The following TPBGL variants were observed in gnomAD, a reference collection of about 807,000 sequenced individuals.
TPBGL encodes trophoblast glycoprotein like.
For missense variants in TPBGL, 685 were observed against 609.4 expected (o/e 1.12, Z -1.31); for synonymous variants, 380 against 314.8 (o/e 1.21, Z -2.19).
Position 75,241,525 on chromosome 11 carries a change from C to T in TPBGL, c.476C>T (p.Ala159Val). The T allele has an allele frequency of 8.2e-7, 1 of 1,213,538 alleles. No homozygotes were observed. Among genetic ancestry groups the T allele is most frequent in the Non-Finnish European group, 1.0e-6 (1 of 977,256 alleles). 75.2% of individuals were successfully genotyped at this position (1,213,538 alleles called of 1,614,324 possible). A position where few individuals can be genotyped will look rare whatever the true frequency, so the allele number is the denominator to read the frequency against. ...CACGCGCTGGTGCGCGGCGGCCCCG[C>T]GCTGCTGGCCGCGCTGGACGCTGCG... is the stretch of plus-strand genomic sequence containing the variant. Reference protein sequence around the residue: ...LNHALVRGGPALLAALDAALA... With the variant: ...LNHALVRGGPVLLAALDAALA... Residue 159 changes from alanine to valine, a missense_variant, in exon 1 of 1, where the codon GCG (alanine) becomes GTG (valine). Ala to Val is a moderately conservative substitution (Grantham distance 64, BLOSUM62 0). Coordinates refer to ENST00000562197, the MANE Select transcript of TPBGL (RefSeq NM_001195528.2).
chr11:75,242,007 C>T lies in TPBGL; in HGVS notation c.958C>T (p.Leu320Phe), dbSNP rs780831078. 1.3e-6 allele frequency: 2 copies of T among 1,488,574 alleles called. No homozygotes were observed. Among genetic ancestry groups the T allele is most frequent in the Middle Eastern group, 1.7e-4 (1 of 5,802 alleles). 92.2% of individuals were successfully genotyped at this position (1,488,574 alleles called of 1,614,324 possible). The change falls in exon 1 of 1, where the codon CTC becomes TTC. Residue 320 changes from leucine to phenylalanine, a missense_variant. Physicochemically the swap from Leu to Phe is conservative, Grantham distance 22. Coordinates refer to ENST00000562197, the MANE Select transcript of TPBGL (RefSeq NM_001195528.2). ...CGGGCTGGTGCTGGCACTCATCGGC[C>T]TCATCTTCCTCATGGTGCTCTACCT... The part of the protein sequence containing the change: ...FFGLVLALIG[L>F]IFLMVLYLNR...
In TPBGL at chr11:75,242,265, C is replaced by T; in HGVS notation, c.*67C>T. ...GCCGTGGAGATGAGACACCCGCGAG[C>T]CCCGAGCTCTGAGACCTTCCCCTGA... On this transcript the variant is annotated 3_prime_UTR_variant, in exon 1 of 1. Coordinates refer to ENST00000562197, the MANE Select transcript of TPBGL (RefSeq NM_001195528.2). 9.3e-7 allele frequency: 1 copy of T among 1,072,416 alleles called. No homozygotes were observed. The highest frequency in any genetic ancestry group is 1.1e-6 in the Non-Finnish European group (1 of 887,548). 66.4% of individuals were successfully genotyped at this position (1,072,416 alleles called of 1,614,324 possible).
chr11:75,241,078 T>A lies in TPBGL; in HGVS notation c.29T>A (p.Leu10His). 1 of 1,322,184 alleles carries A rather than the reference T, an allele frequency of 7.6e-7. No homozygotes were observed. The highest frequency in any genetic ancestry group is 9.6e-7 in the Non-Finnish European group (1 of 1,036,774). The allele number at this position is 1,322,184 out of a possible 1,614,324, so 81.9% of individuals were successfully genotyped here. Residue 10 changes from leucine to histidine, a missense_variant, in exon 1 of 1, where the codon CTC becomes CAC. Transcript: ENST00000562197. The stretch of plus-strand genomic sequence containing the variant: ...GCCCCGCGCGCGGGACAGCCGGGGC[T>A]CCAGGGGCTGCTGCTCGTGGCGGCG... MAPRAGQPG[L>H]QGLLLVAAAL... is the part of the protein sequence containing the mutation.
At position 75,241,754 on chromosome 11, in the gene TPBGL, C is replaced by T. The variant is rs1298517665; in HGVS notation, c.705C>T (p.Pro235=). The T allele has an allele frequency of 4.6e-6, 6 of 1,306,434 alleles. No individual in the cohort carries two copies. Among genetic ancestry groups the T allele is most frequent in the Non-Finnish European group, 5.9e-6 (6 of 1,025,268 alleles). The allele number at this position is 1,306,434 out of a possible 1,614,324, so 80.9% of individuals were successfully genotyped here. The change falls in exon 1 of 1, where the codon CCC becomes CCT. Residue 235 remains proline (P), a synonymous_variant. Coordinates refer to ENST00000562197, the MANE Select transcript of TPBGL (RefSeq NM_001195528.2). ...PGPRLLLADN[P]LRCGCAARPL... ...CGCGCCTGCTGCTCGCCGACAACCC[C>T]CTGCGCTGCGGCTGTGCCGCACGCC...
Position 75,241,572 on chromosome 11 carries a change from C to A in TPBGL, c.523C>A (p.Arg175Ser). 7.7e-7 allele frequency: 1 copy of A among 1,307,006 alleles called. No homozygotes were observed. Among genetic ancestry groups the A allele is most frequent in the Non-Finnish European group, 9.8e-7 (1 of 1,020,458 alleles). The allele number at this position is 1,307,006 out of a possible 1,614,324, so 81.0% of individuals were successfully genotyped here. A position where few individuals can be genotyped will look rare whatever the true frequency, so the allele number is the denominator to read the frequency against. Residue 175 changes from arginine (R) to serine (S), a missense_variant, in exon 1 of 1, where the codon CGC becomes AGC. By Grantham distance (110) the Arg-to-Ser change is moderately radical. Coordinates refer to ENST00000562197, the MANE Select transcript of TPBGL (RefSeq NM_001195528.2). ...TGCGCTGGCACCGCTGGCCGAGCTT[C>A]GCCTGCTGGGCCTAGCGGGCAACGC... ...DAALAPLAEL[R>S]LLGLAGNALS...
chr11:75,241,321 T>G lies in TPBGL; in HGVS notation c.272T>G (p.Val91Gly), dbSNP rs1945596263. The G allele has an allele frequency of 2.2e-6, 3 of 1,345,178 alleles. No individual in the cohort carries two copies. The highest frequency in any genetic ancestry group is 4.0e-5 in the Admixed American group (1 of 25,124). 83.3% of individuals were successfully genotyped at this position (1,345,178 alleles called of 1,614,324 possible). A position where few individuals can be genotyped will look rare whatever the true frequency, so the allele number is the denominator to read the frequency against. ...GGGGACGGCGACCAGGCGGCGGGCG[T>G]GCGCCTGCCGCTCCTGAGCGCGCTG... The part of the protein sequence containing the change: ...GDGDGDQAAG[V>G]RLPLLSALRL... Residue 91 changes from valine (V) to glycine (G), a missense_variant, in exon 1 of 1, where the codon GTG becomes GGG. Physicochemically the swap from Val to Gly is moderately radical, Grantham distance 109. Transcript: ENST00000562197.
Position 75,241,688 on chromosome 11 carries a change from C to T in TPBGL, c.639C>T (p.Asp213=), listed in dbSNP as rs149491762. Residue 213 remains aspartate, a synonymous_variant, in exon 1 of 1, where the codon GAC becomes GAT. Transcript: ENST00000562197. ...RLNALAGLDP[D]ELRALERDGG... The stretch of plus-strand genomic sequence containing the variant: ...ACGCGCTGGCCGGCCTGGACCCCGA[C>T]GAGCTGCGCGCGCTGGAGCGCGATG... 3 of 1,273,894 alleles carry T rather than the reference C, an allele frequency of 2.4e-6. No individual in the cohort carries two copies. The highest frequency in any genetic ancestry group is 3.2e-5 in the African/African-American group (2 of 62,592). 78.9% of individuals were successfully genotyped at this position (1,273,894 alleles called of 1,614,324 possible). A position where few individuals can be genotyped will look rare whatever the true frequency, so the allele number is the denominator to read the frequency against.
At position 75,241,417 on chromosome 11, in the gene TPBGL, T is replaced by C; in HGVS notation, c.368T>C (p.Leu123Pro). ...AFDGLPSLAALDLSHNPLRAL... is the reference protein window; with the variant it reads ...AFDGLPSLAAPDLSHNPLRAL... ...GACGGGCTGCCCAGCCTGGCGGCGC[T>C]CGACCTCAGCCACAACCCGCTGCGC... Residue 123 changes from leucine to proline, a missense_variant, in exon 1 of 1, where the codon CTC (leucine) becomes CCC (proline). Physicochemically the swap from Leu to Pro is moderately conservative, Grantham distance 98. Transcript: ENST00000562197. 7.4e-7 allele frequency: 1 copy of C among 1,350,452 alleles called. No homozygotes were observed. Among genetic ancestry groups the C allele is most frequent in the Non-Finnish European group, 9.5e-7 (1 of 1,052,000 alleles). 83.7% of individuals were successfully genotyped at this position (1,350,452 alleles called of 1,614,324 possible). A position where few individuals can be genotyped will look rare whatever the true frequency, so the allele number is the denominator to read the frequency against.
Position 75,242,135 on chromosome 11 carries a change from C to T in TPBGL, c.1086C>T (p.Arg362=). Reference sequence around the variant, plus strand: ...GCTACGAGCAGGACGCCGACCCGCGCCGCGCGCCCGCGCCCGCCGCGCCCG... The same window carrying T: ...GCTACGAGCAGGACGCCGACCCGCGTCGCGCGCCCGCGCCCGCCGCGCCCG... ...HYRYEQDADP[R]RAPAPAAPAG... The change falls in exon 1 of 1, where the codon CGC becomes CGT. Residue 362 remains arginine (R), a synonymous_variant. Coordinates refer to ENST00000562197, the MANE Select transcript of TPBGL (RefSeq NM_001195528.2). 4.9e-6 allele frequency: 6 copies of T among 1,220,636 alleles called. No individual in the cohort carries two copies. Among genetic ancestry groups the T allele is most frequent in the Non-Finnish European group, 6.1e-6 (6 of 982,338 alleles). The allele number at this position is 1,220,636 out of a possible 1,614,324, so 75.6% of individuals were successfully genotyped here. A position where few individuals can be genotyped will look rare whatever the true frequency, so the allele number is the denominator to read the frequency against.
Position 75,241,112 on chromosome 11 carries a change from C to G in TPBGL, c.63C>G (p.Ser21Arg). 1 of 1,394,804 alleles carries G rather than the reference C, an allele frequency of 7.2e-7. No individual in the cohort carries two copies. The highest frequency in any genetic ancestry group is 9.3e-7 in the Non-Finnish European group (1 of 1,071,034). The allele number at this position is 1,394,804 out of a possible 1,614,324, so 86.4% of individuals were successfully genotyped here. ...QGLLLVAAAL[S>R]QPAAPCPFQC... Reference sequence around the variant, plus strand: ...TGCTGCTCGTGGCGGCGGCGCTGAGCCAGCCCGCGGCACCCTGCCCCTTCC... The same window carrying G: ...TGCTGCTCGTGGCGGCGGCGCTGAGGCAGCCCGCGGCACCCTGCCCCTTCC... The change falls in exon 1 of 1, where the codon AGC (serine) becomes AGG (arginine). Residue 21 changes from serine (S) to arginine (R), a missense_variant. By Grantham distance (110) the Ser-to-Arg change is moderately radical. Transcript: ENST00000562197.
At position 75,241,219 on chromosome 11, in the gene TPBGL, C is replaced by A. The variant is rs1267275178; in HGVS notation, c.170C>A (p.Pro57Gln). ...CTCCGCCAGCCTCCGCGGGACGTGCCGCCCGACGCGCGCAACCTCACCATC... is the reference window on the plus strand; with the variant it reads ...CTCCGCCAGCCTCCGCGGGACGTGCAGCCCGACGCGCGCAACCTCACCATC... ...AELRQPPRDVPPDARNLTIVG... is the reference protein window; with the variant it reads ...AELRQPPRDVQPDARNLTIVG... Residue 57 changes from proline (P) to glutamine (Q), a missense_variant, in exon 1 of 1, where the codon CCG (proline) becomes CAG (glutamine). Transcript: ENST00000562197. 1.4e-6 allele frequency: 2 copies of A among 1,441,824 alleles called. No homozygotes were observed. Among genetic ancestry groups the A allele is most frequent in the South Asian group, 1.3e-5 (1 of 75,194 alleles). 89.3% of individuals were successfully genotyped at this position (1,441,824 alleles called of 1,614,324 possible). A position where few individuals can be genotyped will look rare whatever the true frequency, so the allele number is the denominator to read the frequency against.
In TPBGL at chr11:75,240,923, C is replaced by A; in HGVS notation, c.-127C>A. ...GCGGCTCCTCAGACTTTCGAGACAG[C>A]GAACGGACCGACCGGGACTGCCAGC... On this transcript the variant is annotated 5_prime_UTR_variant, in exon 1 of 1. Transcript: ENST00000562197. 1 of 617,450 alleles carries A rather than the reference C, an allele frequency of 1.6e-6. No individual in the cohort carries two copies. Among genetic ancestry groups the A allele is most frequent in the African/African-American group, 1.9e-5 (1 of 51,544 alleles). The allele number at this position is 617,450 out of a possible 1,614,324, so 38.2% of individuals were successfully genotyped here.
In TPBGL at chr11:75,241,927, G is replaced by C; in HGVS notation, c.878G>C (p.Arg293Pro). Residue 293 changes from arginine to proline, a missense_variant, in exon 1 of 1, where the codon CGC (arginine) becomes CCC (proline). Arg to Pro is a moderately radical substitution (Grantham distance 103). Coordinates refer to ENST00000562197, the MANE Select transcript of TPBGL (RefSeq NM_001195528.2). ...TGCGCGGACAGCGGCGCCGACGCTC[G>C]CGGAGAGGAGGCGGAGGCCGCCGGC... ...LRCADSGADARGEEAEAAGPE... is the reference protein window; with the variant it reads ...LRCADSGADAPGEEAEAAGPE... 6.7e-6 allele frequency: 10 copies of C among 1,482,522 alleles called. No individual in the cohort carries two copies. The highest frequency in any genetic ancestry group is 8.9e-6 in the Non-Finnish European group (10 of 1,119,074). 91.8% of individuals were successfully genotyped at this position (1,482,522 alleles called of 1,614,324 possible). A position where few individuals can be genotyped will look rare whatever the true frequency, so the allele number is the denominator to read the frequency against.
At position 75,240,875 on chromosome 11, in the gene TPBGL, C is replaced by T. The variant is rs558279221; in HGVS notation, c.-175C>T. On this transcript the variant is annotated 5_prime_UTR_variant, in exon 1 of 1. Coordinates refer to ENST00000562197, the MANE Select transcript of TPBGL (RefSeq NM_001195528.2). ...CCGCTCCCCGTCTGACCCCTCTTGC[C>T]CCCGGCCAGTCAGCCAGTAAGTGCG... The T allele has an allele frequency of 5.3e-4, 198 of 374,486 alleles. 1 individual carries two copies. Among genetic ancestry groups the T allele is most frequent in the Admixed American group, 4.2e-3 (85 of 20,212 alleles). The allele number at this position is 374,486 out of a possible 1,614,324, so 23.2% of individuals were successfully genotyped here.
At position 75,241,744 on chromosome 11, in the gene TPBGL, CCGA is replaced by C; in HGVS notation, c.697_699del (p.Asp233del). On this transcript the variant is annotated inframe_deletion, in exon 1 of 1. Coordinates refer to ENST00000562197, the MANE Select transcript of TPBGL (RefSeq NM_001195528.2). ...CTCCCCGGGCCGCGCCTGCTGCTCG[CCGA>C]CAACCCCCTGCGCTGCGGCTGTGCC... The C allele has an allele frequency of 7.7e-7, 1 of 1,292,952 alleles. No individual in the cohort carries two copies. Among genetic ancestry groups the C allele is most frequent in the Non-Finnish European group, 9.8e-7 (1 of 1,017,410 alleles). The allele number at this position is 1,292,952 out of a possible 1,614,324, so 80.1% of individuals were successfully genotyped here.
rs1945595179 is a variant in TPBGL, at chr11:75,241,220, G to A, written c.171G>A (p.Pro57=). The change falls in exon 1 of 1, where the codon CCG becomes CCA. Residue 57 remains proline, a synonymous_variant. Transcript: ENST00000562197. ...AELRQPPRDV[P]PDARNLTIVG... The stretch of plus-strand genomic sequence containing the variant: ...TCCGCCAGCCTCCGCGGGACGTGCC[G>A]CCCGACGCGCGCAACCTCACCATCG... 7 of 1,440,984 alleles carry A rather than the reference G, an allele frequency of 4.9e-6. No individual in the cohort carries two copies. Among genetic ancestry groups the A allele is most frequent in the East Asian group, 6.3e-5 (2 of 31,960 alleles). The allele number at this position is 1,440,984 out of a possible 1,614,324, so 89.3% of individuals were successfully genotyped here.
rs1384404204 is a variant in TPBGL at position 75,241,706 on chromosome 11, G to A, written c.657G>A (p.Glu219=). The part of the protein sequence containing the change: ...GLDPDELRAL[E]RDGGLPGPRL... ...ACCCCGACGAGCTGCGCGCGCTGGA[G>A]CGCGATGGCGGCCTCCCCGGGCCGC... Residue 219 remains glutamate, a synonymous_variant, in exon 1 of 1, where the codon GAG becomes GAA. Transcript: ENST00000562197. The A allele has an allele frequency of 8.7e-6, 11 of 1,266,282 alleles. No homozygotes were observed. The highest frequency in any genetic ancestry group is 3.0e-6 in the Non-Finnish European group (3 of 1,004,484). The allele number at this position is 1,266,282 out of a possible 1,614,324, so 78.4% of individuals were successfully genotyped here.
Position 75,241,414 on chromosome 11 carries a change from C to T in TPBGL, c.365C>T (p.Ala122Val). 2.2e-6 allele frequency: 3 copies of T among 1,351,282 alleles called. No homozygotes were observed. Among genetic ancestry groups the T allele is most frequent in the Non-Finnish European group, 1.9e-6 (2 of 1,052,426 alleles). The allele number at this position is 1,351,282 out of a possible 1,614,324, so 83.7% of individuals were successfully genotyped here. The change falls in exon 1 of 1, where the codon GCG (alanine) becomes GTG (valine). Residue 122 changes from alanine to valine, a missense_variant. By Grantham distance (64) the Ala-to-Val change is moderately conservative. Transcript: ENST00000562197. ...TTCGACGGGCTGCCCAGCCTGGCGG[C>T]GCTCGACCTCAGCCACAACCCGCTG... ...GAFDGLPSLA[A>V]LDLSHNPLRA... is the part of the protein sequence containing the mutation.
Position 75,240,927 on chromosome 11 carries a change from C to A in TPBGL, c.-123C>A. The stretch of plus-strand genomic sequence containing the variant: ...CTCCTCAGACTTTCGAGACAGCGAA[C>A]GGACCGACCGGGACTGCCAGCCGCT... On this transcript the variant is annotated 5_prime_UTR_variant, in exon 1 of 1. Transcript: ENST00000562197. 1 of 650,414 alleles carries A rather than the reference C, an allele frequency of 1.5e-6. No individual in the cohort carries two copies. Among genetic ancestry groups the A allele is most frequent in the Non-Finnish European group, 2.1e-6 (1 of 475,152 alleles). The allele number at this position is 650,414 out of a possible 1,614,324, so 40.3% of individuals were successfully genotyped here.
Sources: gnomAD v4.1 joint callset for allele counts on GRCh38, gnomAD v4.1.1 for gene constraint, MANE v1.5 for transcripts, NCBI Gene and HGNC (gene_info 2026-07-23, HGNC 2026-07-21) for gene names.